The following PHACTR4 variants were observed in gnomAD, a reference collection of about 807,000 sequenced individuals.
The protein encoded by PHACTR4 is phosphatase and actin regulator 4.
In PHACTR4, 51 loss-of-function variants were observed where a neutral mutation model predicts 72.7. The observed-to-expected ratio is 0.70, with a 90% CI of 0.56 to 0.89. The LOEUF is 0.89. Ranked by LOEUF, PHACTR4 falls within the 40% of genes least tolerant of loss-of-function variation. PHACTR4 has a pLI of 0.00. For synonymous variants in PHACTR4, 255 were observed against 302.5 expected (o/e 0.84, Z 1.63); for missense variants, 731 against 861.8 (o/e 0.85, Z 1.90).
chr1:28,409,526 G>T (rs1654612924), intron 2 of PHACTR4, among the ~76,000 whole-genome samples: 1 of 152,168 alleles, frequency 6.6e-6, no homozygotes, highest in Non-Finnish European at 1.5e-5. Flanking sequence ...AAAGAAATCA[G>T]AGGCAGTTTT....
chr1:28,477,254 T>A (rs1205704867), intron 8 of PHACTR4, among the ~76,000 whole-genome samples: 14 of 151,300 alleles, frequency 9.3e-5, no homozygotes, highest in African/African-American at 3.2e-4. Context: ...CCCAGCTAAT[T>A]TTTTTTTATT....
At chr1:28,440,313 A>G (rs1656919870) in intron 2 of PHACTR4, among the ~76,000 whole-genome samples, 1 of 150,222 alleles carries the variant, frequency 6.7e-6, no homozygotes, top group South Asian at 2.1e-4. Context: ...AAAAGAAAAA[A>G]AAAAAAAAAA....
chr1:28,403,433 G>A (rs1009192210), intron 1 of PHACTR4, among the ~76,000 whole-genome samples: 1 of 152,128 alleles, frequency 6.6e-6, no homozygotes, highest in African/African-American at 2.4e-5. Context: ...CTCCCTGAAA[G>A]GATTGACAGT....
At chr1:28,441,122 A>G (rs1656996531) in intron 2 of PHACTR4, among the ~76,000 whole-genome samples, 1 of 152,224 alleles carries the variant, frequency 6.6e-6, no homozygotes, top group Non-Finnish European at 1.5e-5. Context: ...TATGCCCTCA[A>G]GAAGTTTGTC....
intron 2 of PHACTR4, among the ~76,000 whole-genome samples, chr1:28,425,349 C>T (rs1268407486): frequency 6.6e-6 from 1 of 151,544 alleles, no homozygotes; most frequent in Non-Finnish European, 1.5e-5. Context: ...AAACTCCTGA[C>T]CTCGTGATCT....
intron 2 of PHACTR4, among the ~76,000 whole-genome samples, chr1:28,449,027 C>T (rs1486972503): frequency 1.3e-5 from 2 of 151,892 alleles, no homozygotes; most frequent in Non-Finnish European, 2.9e-5. Flanking sequence ...ACCTGTAGTT[C>T]TATCTTCTCA....
chr1:28,382,514 G>A (rs1476868906), intron 1 of PHACTR4, among the ~76,000 whole-genome samples: 4 of 151,322 alleles, frequency 2.6e-5, no homozygotes, highest in African/African-American at 4.9e-5. Context: ...CGTGCTAGCC[G>A]GGATGGTCTC....
In PHACTR4 at chr1:28,444,187, G is replaced by A. The variant is rs547013039; in HGVS notation, c.17-14898G>A. On this transcript the variant is annotated intron_variant, in intron 2 of 13. Coordinates refer to ENST00000373839, the MANE Select transcript of PHACTR4 (RefSeq NM_001048183.3). ...TTGCATTCACCTGATGATTTGTTAT[G>A]TTGAGCATTTAAAAAAATATATTTG... Among the ~76,000 whole-genome samples, 4 of 90,056 alleles carry A rather than the reference G, an allele frequency of 4.4e-5. No homozygotes were observed. In the East Asian group the frequency reaches 1.5e-3, roughly 34 times the overall value. The allele number at this position is 90,056 out of a possible 152,430, so 59.1% of individuals were successfully genotyped here. A position where few individuals can be genotyped will look rare whatever the true frequency, so the allele number is the denominator to read the frequency against.
chr1:28,459,027 A>C, intron 2 of PHACTR4, 58 bp from the exon 3 acceptor site: 11 of 1,465,530 alleles, frequency 7.5e-6, no homozygotes, highest in African/African-American at 1.4e-5. Context: ...GGGACATTTT[A>C]GAGATTATGC....
intron 3 of PHACTR4, among the ~76,000 whole-genome samples, chr1:28,459,736 G>T (rs891920769): frequency 2.6e-5 from 4 of 152,048 alleles, no homozygotes; most frequent in African/African-American, 9.7e-5. Context: ...CATCAAAATG[G>T]TCATGTACTA....
intron 4 of PHACTR4, among the ~76,000 whole-genome samples, chr1:28,462,349 G>A (rs1042519239): frequency 1.3e-5 from 2 of 151,580 alleles, no homozygotes; most frequent in Admixed American, 6.6e-5. Flanking sequence ...ACTTTCCATG[G>A]CCTTTCTTTT....
At chr1:28,473,202 G>A (rs1557838321) in intron 6 of PHACTR4, among the ~76,000 whole-genome samples, 4 of 151,522 alleles carry the variant, frequency 2.6e-5, no homozygotes, top group South Asian at 2.1e-4. Flanking sequence ...CTTGAGCCCG[G>A]GAGGCAGAGG....
At chr1:28,455,577 T>C (rs993779613) in intron 2 of PHACTR4, among the ~76,000 whole-genome samples, 3 of 152,160 alleles carry the variant, frequency 2.0e-5, no homozygotes, top group African/African-American at 7.2e-5. Context: ...TCCATGAGGT[T>C]TCCAGATAAT....
chr1:28,417,663 A>G (rs1332121991), intron 2 of PHACTR4, among the ~76,000 whole-genome samples: 1 of 152,182 alleles, frequency 6.6e-6, no homozygotes, highest in Non-Finnish European at 1.5e-5. Flanking sequence ...GAAATTTTCC[A>G]TATTATATCT....
chr1:28,374,021 A>G (rs1378933773), intron 1 of PHACTR4, among the ~76,000 whole-genome samples: 2 of 152,212 alleles, frequency 1.3e-5, no homozygotes, highest in African/African-American at 2.4e-5. Context: ...ATATTTTCCA[A>G]TTAAGGCAAA....
At chr1:28,471,193 C>CA (rs1021848301) in intron 6 of PHACTR4, among the ~76,000 whole-genome samples, 8 of 151,430 alleles carry the variant, frequency 5.3e-5, no homozygotes, top group Non-Finnish European at 8.8e-5. Flanking sequence ...ACTAAAAATA[C>CA]AAAAAATTAG....
At chr1:28,389,026 C>G (rs969201654) in intron 1 of PHACTR4, among the ~76,000 whole-genome samples, 6 of 152,090 alleles carry the variant, frequency 3.9e-5, no homozygotes, top group African/African-American at 2.4e-5. Flanking sequence ...GGGATTACAT[C>G]AAACTCAAAA....
At chr1:28,403,898 G>A (rs61783819) in intron 1 of PHACTR4, among the ~76,000 whole-genome samples, 2 of 152,154 alleles carry the variant, frequency 1.3e-5, no homozygotes, top group African/African-American at 4.8e-5. Flanking sequence ...GTTACAACAC[G>A]TATCAATACT....
intron 2 of PHACTR4, among the ~76,000 whole-genome samples, chr1:28,422,827 G>T (rs996738559): frequency 6.6e-6 from 1 of 152,054 alleles, no homozygotes; most frequent in Non-Finnish European, 1.5e-5. Context: ...TCACTCTGTC[G>T]CCAGGCTGGA....
Sources: gnomAD v4.1 joint callset for allele counts (sites outside exome capture counted in the v4.1 genomes callset) on GRCh38, gnomAD v4.1.1 for gene constraint, MANE v1.5 for transcripts, NCBI Gene and HGNC (gene_info 2026-07-23, HGNC 2026-07-21) for gene names.